The following FHIT variants were observed in gnomAD, a reference collection of about 807,000 sequenced individuals.
The protein encoded by FHIT is bis(5'-adenosyl)-triphosphatase.
In FHIT, 19 loss-of-function variants were observed where a neutral mutation model predicts 17.9. The ratio of observed to expected loss-of-function variants is 1.06; its 90% CI spans 0.74 to 1.56. FHIT has a LOEUF of 1.56. FHIT is among the 40% of genes most tolerant of loss of function. The pLI is 0.00. For synonymous variants in FHIT, 81 were observed against 69.7 expected (o/e 1.16, Z -0.81); for missense variants, 248 against 189.2 (o/e 1.31, Z -1.82).
At chr3:60,113,728 G>A (rs940283663) in intron 5 of FHIT, among the ~76,000 whole-genome samples, 3 of 151,168 alleles carry the variant, frequency 2.0e-5, no homozygotes, top group Non-Finnish European at 2.9e-5. Context: ...TGGGCCGGGC[G>A]CGGTGGCTCA....
intron 4 of FHIT, among the ~76,000 whole-genome samples, chr3:60,753,246 T>A (rs1309779762): frequency 6.6e-6 from 1 of 152,162 alleles, no homozygotes; most frequent in Non-Finnish European, 1.5e-5. Context: ...AATAAGAAGT[T>A]TATGAACTAT....
At chr3:60,974,931 G>T (rs557977750) in intron 3 of FHIT, among the ~76,000 whole-genome samples, 1 of 152,270 alleles carries the variant, frequency 6.6e-6, no homozygotes, top group South Asian at 2.1e-4. Context: ...GTTATTTGGG[G>T]ATGAAGTAAG....
At chr3:61,030,738 C>T (rs1437525613) in intron 3 of FHIT, among the ~76,000 whole-genome samples, 1 of 152,098 alleles carries the variant, frequency 6.6e-6, no homozygotes, top group African/African-American at 2.4e-5. Context: ...GATGGAAAGA[C>T]AGGAATTTTA....
rs183278376 is a variant in FHIT at position 60,444,403 on chromosome 3, A to G, written c.103+92457T>C. ...TAAAGACACGTGCACACGTATGTTTATTGCGGCACTACTCACAATAGCAAA... is the reference window on the plus strand; with the variant it reads ...TAAAGACACGTGCACACGTATGTTTGTTGCGGCACTACTCACAATAGCAAA... On this transcript the variant is annotated intron_variant, in intron 5 of 9. Transcript: ENST00000492590. Among the ~76,000 whole-genome samples the G allele has an allele frequency of 1.3e-3, 201 of 152,338 alleles. 1 individual carries two copies. The highest frequency in any genetic ancestry group is 4.7e-3 in the African/African-American group (194 of 41,574).
intron 3 of FHIT, among the ~76,000 whole-genome samples, chr3:60,868,145 C>T (rs1383686928): frequency 1.3e-5 from 2 of 152,144 alleles, no homozygotes; most frequent in African/African-American, 2.4e-5. Context: ...GTGATCTTTA[C>T]ACATCTCAGA....
At chr3:60,069,132 A>G (rs1702648335) in intron 5 of FHIT, among the ~76,000 whole-genome samples, 1 of 131,144 alleles carries the variant, frequency 7.6e-6, no homozygotes, top group African/African-American at 3.4e-5. Context: ...GATAATGTAC[A>G]TAAAGGGATA....
At chr3:60,230,609 T>C (rs979601062) in intron 5 of FHIT, among the ~76,000 whole-genome samples, 1 of 152,196 alleles carries the variant, frequency 6.6e-6, no homozygotes, top group Non-Finnish European at 1.5e-5. Flanking sequence ...AAAAGAAAAG[T>C]TCAGGACATT....
chr3:60,123,656 A>C (rs1261450769), intron 5 of FHIT, among the ~76,000 whole-genome samples: 2 of 152,060 alleles, frequency 1.3e-5, no homozygotes, highest in Non-Finnish European at 2.9e-5. Context: ...AGAGAAACCC[A>C]ATCACTGCTG....
chr3:60,816,727 C>G (rs1597101), intron 4 of FHIT, among the ~76,000 whole-genome samples: 77,911 of 151,582 alleles, frequency 0.51, 20,880 homozygotes, highest in East Asian at 0.85. Context: ...GTCAGGTTTG[C>G]TATCAGGGTG....
chr3:59,775,641 T>C (rs1315252534), intron 8 of FHIT, among the ~76,000 whole-genome samples: 1 of 152,218 alleles, frequency 6.6e-6, no homozygotes, highest in East Asian at 1.9e-4. Flanking sequence ...AACTGGCCCT[T>C]ATGTGGCCTG....
chr3:61,010,203 A>C (rs2031711077), intron 3 of FHIT, among the ~76,000 whole-genome samples: 1 of 151,902 alleles, frequency 6.6e-6, no homozygotes, highest in African/African-American at 2.4e-5. Context: ...TGATTACCAA[A>C]AAAAAAAAAA....
intron 4 of FHIT, among the ~76,000 whole-genome samples, chr3:60,559,282 T>C (rs1302003361): frequency 6.6e-6 from 1 of 152,210 alleles, no homozygotes; most frequent in Non-Finnish European, 1.5e-5. Flanking sequence ...CATGCATTTC[T>C]ATAAAATTCA....
intron 5 of FHIT, among the ~76,000 whole-genome samples, chr3:60,329,253 C>A (rs931608585): frequency 6.6e-6 from 1 of 151,784 alleles, no homozygotes; most frequent in Non-Finnish European, 1.5e-5. Context: ...TTTATCGAAG[C>A]TTTTGTGATC....
intron 1 of FHIT, among the ~76,000 whole-genome samples, chr3:61,226,940 G>C (rs1433173937): frequency 6.6e-6 from 1 of 151,974 alleles, no homozygotes; most frequent in African/African-American, 2.4e-5. Context: ...TAGGATAAAG[G>C]ACAAAGATTA....
intron 5 of FHIT, among the ~76,000 whole-genome samples, chr3:60,534,199 G>A (rs1193806455): frequency 6.6e-6 from 1 of 150,398 alleles, no homozygotes; most frequent in Admixed American, 6.6e-5. Context: ...AGGCCGAGGC[G>A]GGTGGATCAT....
intron 5 of FHIT, among the ~76,000 whole-genome samples, chr3:60,104,676 G>C (rs10780042): frequency 6.6e-6 from 1 of 151,716 alleles, no homozygotes; most frequent in Admixed American, 6.6e-5. Flanking sequence ...CCTTAGAGAA[G>C]GTGAGATCAG....
intron 4 of FHIT, among the ~76,000 whole-genome samples, chr3:60,568,793 T>A (rs1243732518): frequency 6.6e-6 from 1 of 152,002 alleles, no homozygotes; most frequent in Non-Finnish European, 1.5e-5. Context: ...TTGAATTCGA[T>A]CTTTATTTTT....
At chr3:60,797,511 C>T (rs1056337270) in intron 4 of FHIT, among the ~76,000 whole-genome samples, 3 of 143,122 alleles carry the variant, frequency 2.1e-5, no homozygotes, top group East Asian at 2.0e-4. Flanking sequence ...TGCTGAATAC[C>T]GTATCTATTT....
intron 5 of FHIT, among the ~76,000 whole-genome samples, chr3:60,369,888 C>A (rs1700253820): frequency 6.6e-6 from 1 of 152,114 alleles, no homozygotes; most frequent in African/African-American, 2.4e-5. Flanking sequence ...CCTCATTAAA[C>A]CAATACAAAG....
Sources: allele counts gnomAD v4.1 joint callset (sites outside exome capture counted in the v4.1 genomes callset), GRCh38; gene constraint gnomAD v4.1.1; transcripts MANE v1.5; gene names NCBI Gene and HGNC (gene_info 2026-07-23, HGNC 2026-07-21).